The following HUNK variants were observed in gnomAD, a reference collection of about 807,000 sequenced individuals.
The protein encoded by HUNK is hormonally up-regulated neu tumor-associated kinase.
Under a neutral mutation model 61.0 loss-of-function variants are expected in HUNK, and 21 were observed. The ratio of observed to expected loss-of-function variants is 0.34; its 90% CI spans 0.24 to 0.50. The LOEUF (loss-of-function observed/expected upper bound fraction) is 0.50. Ranked by LOEUF, HUNK falls within the 20% of genes least tolerant of loss-of-function variation. The pLI is 0.98. For missense variants in HUNK, 772 were observed against 945.7 expected (o/e 0.82, Z 2.41); for synonymous variants, 371 against 386.1 (o/e 0.96, Z 0.46).
At chr21:31,985,831 C>G (rs746484020) in intron 8 of HUNK, among the ~76,000 whole-genome samples, 1 of 152,162 alleles carries the variant, frequency 6.6e-6, no homozygotes, top group Non-Finnish European at 1.5e-5. Context: ...CAGTGAGCAT[C>G]TGCCTCTCCG....
chr21:31,877,742 T>C (rs935756577), intron 1 of HUNK, among the ~76,000 whole-genome samples: 5 of 152,176 alleles, frequency 3.3e-5, no homozygotes, highest in African/African-American at 9.6e-5. Context: ...GCAAAGCTGT[T>C]GAGCAACAGT....
At position 31,914,314 on chromosome 21, in the gene HUNK, A is replaced by G. The variant is rs1314278815; in HGVS notation, c.262-10154A>G. Among the ~76,000 whole-genome samples the G allele has an allele frequency of 6.7e-5, 10 of 148,322 alleles. No homozygotes were observed. The East Asian group carries it at 2.1e-3, about 31-fold the overall frequency. On this transcript the variant is annotated intron_variant, in intron 1 of 10. Transcript: ENST00000270112. ...CTCAGCTACTCGGGAAGGCTGAGGC[A>G]GGAGAATCGCTTGAACCCAGGAGGT...
At position 31,874,232 on chromosome 21, in the gene HUNK, C is replaced by T. The variant is rs564589746; in HGVS notation, c.261+297C>T. Among the ~76,000 whole-genome samples, 17 of 144,268 alleles carry T rather than the reference C, an allele frequency of 1.2e-4. No homozygotes were observed. The South Asian group carries it at 4.0e-3, about 34-fold the overall frequency. 94.6% of individuals were successfully genotyped at this position (144,268 alleles called of 152,430 possible). On this transcript the variant is annotated intron_variant, in intron 1 of 10. Coordinates refer to ENST00000270112, the MANE Select transcript of HUNK (RefSeq NM_014586.2). ...AGGGCGCCGCCTGGCGACACTAGCG[C>T]GGGGGGCGGGATGGGGCCCCTCTGC...
intron 1 of HUNK, among the ~76,000 whole-genome samples, chr21:31,889,902 A>G (rs2052374178): frequency 6.6e-6 from 1 of 152,200 alleles, no homozygotes; most frequent in African/African-American, 2.4e-5. Flanking sequence ...TCCAGATTTC[A>G]AAGGGACATA....
chr21:31,953,546 T>C (rs2052867265), intron 4 of HUNK, among the ~76,000 whole-genome samples: 1 of 152,256 alleles, frequency 6.6e-6, no homozygotes, highest in African/African-American at 2.4e-5. Context: ...GTTTCCACTC[T>C]TATTTGGCAA....
intron 2 of HUNK, among the ~76,000 whole-genome samples, chr21:31,929,680 C>T (rs76292984): frequency 1.8e-4 from 27 of 152,324 alleles, no homozygotes; most frequent in East Asian, 1.4e-3. Flanking sequence ...AGAAAAGCCA[C>T]GGGGCTGCAG....
chr21:31,890,552 G>T (rs2052380313), intron 1 of HUNK, among the ~76,000 whole-genome samples: 1 of 152,088 alleles, frequency 6.6e-6, no homozygotes, highest in South Asian at 2.1e-4. Flanking sequence ...TTTAAAGTTT[G>T]ATTTTTGGTG....
At chr21:31,935,467 G>T (rs2052727207) in intron 2 of HUNK, among the ~76,000 whole-genome samples, 1 of 152,118 alleles carries the variant, frequency 6.6e-6, no homozygotes, top group Non-Finnish European at 1.5e-5. Context: ...CCAGTTCTGT[G>T]GATTTTGATA....
At chr21:31,910,386 G>C (rs763524853) in intron 1 of HUNK, among the ~76,000 whole-genome samples, 4 of 152,056 alleles carry the variant, frequency 2.6e-5, no homozygotes, top group Non-Finnish European at 4.4e-5. Flanking sequence ...GTTGGATTAG[G>C]GCATCACCCT....
Position 31,980,010 on chromosome 21 carries a change from A to C in HUNK, c.1174-3516A>C, listed in dbSNP as rs150946325. On this transcript the variant is annotated intron_variant, in intron 7 of 10. Transcript: ENST00000270112. The stretch of plus-strand genomic sequence containing the variant: ...AAAAAATCATTGTCCAGACCAATGT[A>C]ATGAAGCCTTTTCTGTAGGTTGTCT... Among the ~76,000 whole-genome samples, 1,306 of 152,328 alleles carry C rather than the reference A, an allele frequency of 8.6e-3. 6 individuals carry two copies. The highest frequency in any genetic ancestry group is 0.016 in the Admixed American group (241 of 15,296).
intron 6 of HUNK, among the ~76,000 whole-genome samples, chr21:31,972,583 C>T (rs1051690986): frequency 6.6e-6 from 1 of 152,174 alleles, no homozygotes; most frequent in South Asian, 2.1e-4. Context: ...ATACCCTCGG[C>T]GGGTGCACTG....
At chr21:31,905,986 A>ATTT (rs71320209) in intron 1 of HUNK, among the ~76,000 whole-genome samples, 1 of 149,140 alleles carries the variant, frequency 6.7e-6, no homozygotes, top group Non-Finnish European at 1.5e-5. Context: ...TGTTATTTTA[A>ATTT]TTTTTTTTTT....
chr21:31,955,033 C>T (rs1199634209), intron 4 of HUNK, among the ~76,000 whole-genome samples: 4 of 152,182 alleles, frequency 2.6e-5, no homozygotes, highest in Admixed American at 6.5e-5. Context: ...GAGAGCCACC[C>T]GCCTCAGCCT....
intron 1 of HUNK, among the ~76,000 whole-genome samples, chr21:31,896,182 C>T (rs1358272057): frequency 6.6e-6 from 1 of 152,154 alleles, no homozygotes; most frequent in Non-Finnish European, 1.5e-5. Context: ...TGAGAAAATA[C>T]AGTTCTGTTG....
chr21:31,935,998 T>G (rs1229839974), intron 2 of HUNK, among the ~76,000 whole-genome samples: 2 of 152,066 alleles, frequency 1.3e-5, no homozygotes, highest in Non-Finnish European at 2.9e-5. Flanking sequence ...GGTTTCACCA[T>G]TTTGGCCTGG....
At chr21:31,946,772 GCC>G (rs759783249) in intron 4 of HUNK, among the ~76,000 whole-genome samples, 17 of 152,048 alleles carry the variant, frequency 1.1e-4, no homozygotes, top group Non-Finnish European at 2.1e-4. Flanking sequence ...GCACCACCAT[GCC>G]CAGCTAATTT....
Position 32,001,786 on chromosome 21 carries a change from TGTC to T in HUNK, c.*2603_*2605del, listed in dbSNP as rs1398715692. Reference sequence around the variant, plus strand: ...TCCCTTTGGTAAGTCCGAAGCATGTTGTCTGTTCGACCGTGACTGTCTTCCTCA... The same window carrying T: ...TCCCTTTGGTAAGTCCGAAGCATGTTTGTTCGACCGTGACTGTCTTCCTCA... On this transcript the variant is annotated 3_prime_UTR_variant, in exon 11 of 11. Coordinates refer to ENST00000270112, the MANE Select transcript of HUNK (RefSeq NM_014586.2). 6.6e-6 allele frequency: 1 copy of T among 152,652 alleles called. No homozygotes were observed. The highest frequency in any genetic ancestry group is 2.4e-5 in the African/African-American group (1 of 41,460). The allele number at this position is 152,652 out of a possible 1,614,324, so 9.5% of individuals were successfully genotyped here. A position where few individuals can be genotyped will look rare whatever the true frequency, so the allele number is the denominator to read the frequency against.
At chr21:31,919,024 C>A (rs1219493088) in intron 1 of HUNK, among the ~76,000 whole-genome samples, 1 of 106,208 alleles carries the variant, frequency 9.4e-6, no homozygotes, top group Non-Finnish European at 1.9e-5. Context: ...AGGGGCTGGA[C>A]TGAGCGGTAT....
intron 1 of HUNK, among the ~76,000 whole-genome samples, chr21:31,892,160 A>T (rs7278185): frequency 0.12 from 13,486 of 109,322 alleles, 898 homozygotes; most frequent in Admixed American, 0.23. Flanking sequence ...AAAAAAAAAA[A>T]AAATATATAT....
Sources: allele counts gnomAD v4.1 joint callset (sites outside exome capture counted in the v4.1 genomes callset), GRCh38; gene constraint gnomAD v4.1.1; transcripts MANE v1.5; gene names NCBI Gene and HGNC (gene_info 2026-07-23, HGNC 2026-07-21).